Variants in FBXL17 observed in about 807,000 individuals in gnomAD.
FBXL17 encodes F-box and leucine rich repeat protein 17, also known as F-box/LRR-repeat protein 17.
FBXL17 carries 22 observed loss-of-function variants against 66.2 expected under a neutral mutation model. The ratio of observed to expected loss-of-function variants is 0.33; its 90% CI spans 0.24 to 0.47. The LOEUF is 0.47. Ranked by LOEUF, FBXL17 falls within the 20% of genes least tolerant of loss-of-function variation. The probability of loss-of-function intolerance (pLI) is 1.00; values close to 1 mark genes in which losing one functional copy is unlikely to be tolerated. For missense variants in FBXL17, 878 were observed against 948.2 expected (o/e 0.93, Z 0.97); for synonymous variants, 474 against 400.5 (o/e 1.18, Z -2.19).
At chr5:108,094,138 C>A (rs537705321) in intron 6 of FBXL17, among the ~76,000 whole-genome samples, 1 of 152,246 alleles carries the variant, frequency 6.6e-6, no homozygotes, top group South Asian at 2.1e-4. Context: ...TACTGGAACA[C>A]AGGCACAAAA....
At chr5:108,156,149 C>T (rs1262135825) in intron 6 of FBXL17, among the ~76,000 whole-genome samples, 1 of 151,978 alleles carries the variant, frequency 6.6e-6, no homozygotes, top group African/African-American at 2.4e-5. Flanking sequence ...TTTAATTTTC[C>T]TTCTCATGAT....
At chr5:108,174,153 A>G (rs1580555250) in intron 6 of FBXL17, among the ~76,000 whole-genome samples, 1 of 152,188 alleles carries the variant, frequency 6.6e-6, no homozygotes, top group Non-Finnish European at 1.5e-5. Context: ...CTAACTGAAA[A>G]TTAGGATTAA....
intron 6 of FBXL17, among the ~76,000 whole-genome samples, chr5:108,031,593 T>A (rs546943527): frequency 6.6e-6 from 1 of 152,278 alleles, no homozygotes; most frequent in African/African-American, 2.4e-5. Flanking sequence ...AAGTTCAAAG[T>A]ATTCTGCATC....
At chr5:108,119,406 T>TA (rs1750387963) in intron 6 of FBXL17, among the ~76,000 whole-genome samples, 1 of 152,318 alleles carries the variant, frequency 6.6e-6, no homozygotes, top group South Asian at 2.1e-4. Flanking sequence ...CAGGTCAGAG[T>TA]ACCTGCCTTG....
At chr5:108,178,226 T>C (rs565198490) in intron 6 of FBXL17, among the ~76,000 whole-genome samples, 13 of 152,098 alleles carry the variant, frequency 8.5e-5, no homozygotes, top group Non-Finnish European at 1.8e-4. Context: ...TAAAAATTTT[T>C]TTATAAAGAC....
intron 4 of FBXL17, 72 bp downstream of exon 4, chr5:108,348,327 T>C: frequency 7.3e-7 from 1 of 1,368,414 alleles, no homozygotes; most frequent in Non-Finnish European, 9.9e-7. Context: ...CAGAAAAAAT[T>C]ATAAATAAAC....
At chr5:108,055,288 A>AC (rs1747646306) in intron 6 of FBXL17, among the ~76,000 whole-genome samples, 1 of 53,362 alleles carries the variant, frequency 1.9e-5, no homozygotes, top group African/African-American at 8.6e-5. Context: ...TAGAAAAAAA[A>AC]AAAAAAAAAA....
chr5:108,341,113 A>G (rs1746854962), intron 4 of FBXL17, among the ~76,000 whole-genome samples: 1 of 152,190 alleles, frequency 6.6e-6, no homozygotes, highest in East Asian at 1.9e-4. Context: ...AGTGTCCTTC[A>G]ATAGGAAATG....
chr5:108,085,316 T>C (rs1378121669), intron 6 of FBXL17, among the ~76,000 whole-genome samples: 3 of 152,218 alleles, frequency 2.0e-5, no homozygotes, highest in Non-Finnish European at 4.4e-5. Flanking sequence ...AACTGATTAT[T>C]ATCTGACAAC....
intron 4 of FBXL17, among the ~76,000 whole-genome samples, chr5:108,337,018 G>A (rs1760415707): frequency 6.6e-6 from 1 of 151,940 alleles, no homozygotes; most frequent in Non-Finnish European, 1.5e-5. Flanking sequence ...AGAACTCTGG[G>A]AGGCCGAGGC....
rs563703616 is a variant in FBXL17, at chr5:108,212,020, C to T, written c.1614+12101G>A. Among the ~76,000 whole-genome samples, 4 of 152,112 alleles carry T rather than the reference C, an allele frequency of 2.6e-5. No homozygotes were observed. The South Asian group carries it at 6.2e-4, about 24-fold the overall frequency. Reference sequence around the variant, plus strand: ...GTCCCATATTTCTTGTTCCTTTGTTCGTTCCTTTTTATTCTTTTCTCTAAT... The same window carrying T: ...GTCCCATATTTCTTGTTCCTTTGTTTGTTCCTTTTTATTCTTTTCTCTAAT... On this transcript the variant is annotated intron_variant, in intron 5 of 8. Transcript: ENST00000542267.
chr5:108,000,408 C>A (rs955373313), intron 7 of FBXL17, among the ~76,000 whole-genome samples: 2 of 152,148 alleles, frequency 1.3e-5, no homozygotes, highest in African/African-American at 2.4e-5. Flanking sequence ...AAACTGAATT[C>A]TATTTAGAGC....
At chr5:108,315,045 C>G (rs1482102432) in intron 4 of FBXL17, among the ~76,000 whole-genome samples, 1 of 150,416 alleles carries the variant, frequency 6.6e-6, no homozygotes, top group South Asian at 2.1e-4. Context: ...AAAAATCAAT[C>G]AAGAATGATA....
chr5:107,992,528 C>T (rs1753292316), intron 7 of FBXL17, among the ~76,000 whole-genome samples: 1 of 152,022 alleles, frequency 6.6e-6, no homozygotes, highest in African/African-American at 2.4e-5. Context: ...GCAGATTTTC[C>T]CCTTTGTCCT....
intron 7 of FBXL17, among the ~76,000 whole-genome samples, chr5:108,006,993 G>A (rs1753951067): frequency 6.6e-6 from 1 of 152,200 alleles, no homozygotes; most frequent in African/African-American, 2.4e-5. Context: ...GTTATGCAGA[G>A]AAAACGGATT....
intron 4 of FBXL17, among the ~76,000 whole-genome samples, chr5:108,331,609 T>C (rs1376450557): frequency 6.6e-6 from 1 of 152,206 alleles, no homozygotes; most frequent in Non-Finnish European, 1.5e-5. Flanking sequence ...ATTTTATCCT[T>C]ATGAAAAATT....
chr5:108,320,003 A>G (rs559743023), intron 4 of FBXL17, among the ~76,000 whole-genome samples: 2 of 151,720 alleles, frequency 1.3e-5, no homozygotes, highest in East Asian at 3.9e-4. Flanking sequence ...ATTTTAAACA[A>G]ATCTATTCTC....
At chr5:108,163,399 C>CTT (rs764052812) in intron 6 of FBXL17, among the ~76,000 whole-genome samples, 21,322 of 127,650 alleles carry the variant, frequency 0.17, 2,432 homozygotes, top group South Asian at 0.34. Flanking sequence ...TTTTTTTTTT[C>CTT]TTTTTTTTTT....
intron 6 of FBXL17, among the ~76,000 whole-genome samples, chr5:108,181,412 A>AT (rs1752996639): frequency 6.6e-6 from 1 of 152,206 alleles, no homozygotes; most frequent in South Asian, 2.1e-4. Flanking sequence ...AGAAAATATC[A>AT]TGCTGTTTAA....
Sources: allele counts gnomAD v4.1 joint callset (sites outside exome capture counted in the v4.1 genomes callset), GRCh38; gene constraint gnomAD v4.1.1; transcripts MANE v1.5; gene names NCBI Gene and HGNC (gene_info 2026-07-23, HGNC 2026-07-21).